The following CSNK2A2IP variants were observed in gnomAD, a reference collection of about 807,000 sequenced individuals.
CSNK2A2IP encodes the protein casein kinase II subunit alpha'-interacting protein.
At chr3:88,446,044 T>C in the CSNK2A2IP span, among the ~76,000 whole-genome samples, 5,694 of 55,088 alleles carry the variant, frequency 0.1, 394 homozygotes, top group East Asian at 0.16. Flanking sequence ...CTTTCTTTCT[T>C]TCTTTCTTTC....
chr3:88,360,229 G>T, the CSNK2A2IP span, among the ~76,000 whole-genome samples: 12 of 151,472 alleles, frequency 7.9e-5, no homozygotes, highest in East Asian at 2.3e-3. Flanking sequence ...CCGCCTCCAG[G>T]TTCACGCCAT....
At chr3:88,441,857 T>C in the CSNK2A2IP span, among the ~76,000 whole-genome samples, 1 of 152,142 alleles carries the variant, frequency 6.6e-6, no homozygotes, top group Non-Finnish European at 1.5e-5. Context: ...TTTACAGACA[T>C]TTTCTCCAGC....
At chr3:88,417,623 G>T in the CSNK2A2IP span, among the ~76,000 whole-genome samples, 1 of 152,180 alleles carries the variant, frequency 6.6e-6, no homozygotes, top group African/African-American at 2.4e-5. Flanking sequence ...GAGTATGACA[G>T]GCAATCTAAA....
chr3:88,424,873 T>C, the CSNK2A2IP span, among the ~76,000 whole-genome samples: 1 of 152,072 alleles, frequency 6.6e-6, no homozygotes, highest in Non-Finnish European at 1.5e-5. Flanking sequence ...TATAATATTT[T>C]AAGAAACAAG....
chr3:88,393,630 T>C, the CSNK2A2IP span, among the ~76,000 whole-genome samples: 1 of 152,212 alleles, frequency 6.6e-6, no homozygotes, highest in Admixed American at 6.5e-5. Context: ...TACAGAATTT[T>C]AGGAGATTGT....
At chr3:88,438,480 A>AC in the CSNK2A2IP span, among the ~76,000 whole-genome samples, 1 of 152,044 alleles carries the variant, frequency 6.6e-6, no homozygotes, top group Non-Finnish European at 1.5e-5. Context: ...CTCTAACCCC[A>AC]CCTTTCTGTG....
At chr3:88,403,280 GATTAA>G in the CSNK2A2IP span, among the ~76,000 whole-genome samples, 1,828 of 152,076 alleles carry the variant, frequency 0.012, 35 homozygotes, top group African/African-American at 0.041. Flanking sequence ...TTTTGTTCAA[GATTAA>G]ATTAAATGCC....
the CSNK2A2IP span, among the ~76,000 whole-genome samples, chr3:88,452,170 C>T: frequency 5.7e-5 from 8 of 140,058 alleles, no homozygotes; most frequent in East Asian, 2.2e-4. Context: ...ATTTTGAACT[C>T]GGTTTAGATT....
the CSNK2A2IP span, among the ~76,000 whole-genome samples, chr3:88,414,433 C>T: frequency 6.6e-6 from 1 of 151,238 alleles, no homozygotes; most frequent in Non-Finnish European, 1.5e-5. Flanking sequence ...CAGGCGTGCC[C>T]CAACACGCCC....
chr3:88,411,284 GAC>G, the CSNK2A2IP span, among the ~76,000 whole-genome samples: 1 of 151,730 alleles, frequency 6.6e-6, no homozygotes, highest in Admixed American at 6.6e-5. Flanking sequence ...TCCTAATTGA[GAC>G]ATTCTACAGT....
the CSNK2A2IP span, among the ~76,000 whole-genome samples, chr3:88,378,156 T>C: frequency 6.6e-6 from 1 of 151,992 alleles, no homozygotes; most frequent in Non-Finnish European, 1.5e-5. Flanking sequence ...GATGCAATTT[T>C]AACTTACATA....
chr3:88,382,919 A>C, the CSNK2A2IP span: 1 of 152,236 alleles, frequency 6.6e-6, no homozygotes, highest in African/African-American at 2.4e-5. Flanking sequence ...ATTTTCTATT[A>C]GAGTGAATTG....
At chr3:88,389,597 G>T in the CSNK2A2IP span, among the ~76,000 whole-genome samples, 197 of 152,312 alleles carry the variant, frequency 1.3e-3, 2 homozygotes, top group African/African-American at 4.4e-3. Context: ...ACTCTGCTGA[G>T]AATAGACTGC....
chr3:88,449,181 C>A, the CSNK2A2IP span, among the ~76,000 whole-genome samples: 1 of 151,982 alleles, frequency 6.6e-6, no homozygotes, highest in Non-Finnish European at 1.5e-5. Context: ...TTTGTTTTAA[C>A]TTCCTGAATT....
At chr3:88,419,956 G>A in the CSNK2A2IP span, among the ~76,000 whole-genome samples, 1 of 152,130 alleles carries the variant, frequency 6.6e-6, no homozygotes, top group Non-Finnish European at 1.5e-5. Context: ...AATCAGCAAA[G>A]AGGAAAAAAA....
chr3:88,448,876 T>C, the CSNK2A2IP span, among the ~76,000 whole-genome samples: 2 of 152,248 alleles, frequency 1.3e-5, no homozygotes, highest in Non-Finnish European at 1.5e-5. Flanking sequence ...GTAACTGTTA[T>C]GATACTGTTT....
At chr3:88,451,313 T>A in the CSNK2A2IP span, among the ~76,000 whole-genome samples, 1 of 152,062 alleles carries the variant, frequency 6.6e-6, no homozygotes, top group East Asian at 1.9e-4. Context: ...GGTTTTAATT[T>A]GCATTTTCTT....
the CSNK2A2IP span, among the ~76,000 whole-genome samples, chr3:88,424,140 A>G: frequency 6.6e-6 from 1 of 152,020 alleles, no homozygotes; most frequent in Non-Finnish European, 1.5e-5. Context: ...TCCAGGCCTA[A>G]TTTTTCCTAT....
At chr3:88,356,387 A>G in the CSNK2A2IP span, among the ~76,000 whole-genome samples, 48 of 152,176 alleles carry the variant, frequency 3.2e-4, no homozygotes, top group African/African-American at 1.1e-3. Context: ...CACTTAGCAT[A>G]ATGACCTCTA....
Sources: allele counts gnomAD v4.1 joint callset (sites outside exome capture counted in the v4.1 genomes callset), GRCh38; gene constraint gnomAD v4.1.1; transcripts MANE v1.5; gene names NCBI Gene and HGNC (gene_info 2026-07-23, HGNC 2026-07-21).